The following NSD1 variants were observed in gnomAD, a reference collection of about 807,000 sequenced individuals.
NSD1 encodes histone-lysine N-methyltransferase, H3 lysine-36 specific.
A neutral mutation model predicts 242.7 loss-of-function variants in NSD1; 26 were observed. The observed-to-expected ratio is 0.11, with a 90% CI of 0.08 to 0.15. NSD1 has a LOEUF of 0.15. Among genes scored for constraint, NSD1 ranks in the 10% least tolerant of loss-of-function variants. The probability of loss-of-function intolerance (pLI) is 1.00; values close to 1 mark genes in which losing one functional copy is unlikely to be tolerated. For missense variants in NSD1, 2,495 were observed against 3,272.8 expected (o/e 0.76, Z 5.80); for synonymous variants, 1,106 against 1,178.1 (o/e 0.94, Z 1.25).
At chr5:177,151,981 C>T (rs1250737565) in intron 2 of NSD1, among the ~76,000 whole-genome samples, 1 of 152,086 alleles carries the variant, frequency 6.6e-6, no homozygotes, top group East Asian at 1.9e-4. Context: ...CTGCCTCAGC[C>T]TCCCGAGTAA....
chr5:177,290,060 C>T (rs1174801038), intron 21 of NSD1, among the ~76,000 whole-genome samples: 2 of 151,662 alleles, frequency 1.3e-5, no homozygotes, highest in African/African-American at 4.9e-5. Flanking sequence ...GATCTCCTGA[C>T]CTCGTGATCC....
intron 8 of NSD1, among the ~76,000 whole-genome samples, chr5:177,242,928 G>A (rs1765998658): frequency 6.6e-6 from 1 of 152,162 alleles, no homozygotes; most frequent in South Asian, 2.1e-4. Context: ...ACATTTGCTT[G>A]GGGTGGAACT....
At position 177,211,093 on chromosome 5, in the gene NSD1, C is replaced by T; in HGVS notation, c.2694C>T (p.His898=). Residue 898 remains histidine (H), a synonymous_variant, in exon 5 of 23, where the codon CAC becomes CAT. Coordinates refer to ENST00000439151, the MANE Select transcript of NSD1 (RefSeq NM_022455.5). Reference sequence around the variant, plus strand: ...TCTCTTCTGCTTCTAGTCAGAATCACATACCTATTGAACCAGACTACAAAT... The same window carrying T: ...TCTCTTCTGCTTCTAGTCAGAATCATATACCTATTGAACCAGACTACAAAT... ...LLFSSASSQN[H]IPIEPDYKFS... is the part of the protein sequence containing the mutation. 2 of 1,614,188 alleles carry T rather than the reference C, an allele frequency of 1.2e-6. No individual in the cohort carries two copies. The highest frequency in any genetic ancestry group is 8.5e-7 in the Non-Finnish European group (1 of 1,180,030).
chr5:177,184,725 G>C (rs577795062), intron 2 of NSD1, among the ~76,000 whole-genome samples: 1 of 151,996 alleles, frequency 6.6e-6, no homozygotes, highest in South Asian at 2.1e-4. Flanking sequence ...GTGTGTGCAC[G>C]CAAGGATGGG....
intron 2 of NSD1, among the ~76,000 whole-genome samples, chr5:177,147,481 A>G (rs1482365018): frequency 1.3e-5 from 2 of 152,176 alleles, no homozygotes; most frequent in Non-Finnish European, 2.9e-5. Flanking sequence ...CAAATGTTAG[A>G]TAAACATGAG....
At chr5:177,274,894 C>A (rs982692018) in intron 17 of NSD1, among the ~76,000 whole-genome samples, 1 of 151,766 alleles carries the variant, frequency 6.6e-6, no homozygotes, top group Non-Finnish European at 1.5e-5. Context: ...CCACTATATG[C>A]GGCTAATTTT....
chr5:177,265,243 A>C, intron 14 of NSD1: 1 of 747,562 alleles, frequency 1.3e-6, no homozygotes, highest in Non-Finnish European at 2.4e-6. Flanking sequence ...ATGGCATCAT[A>C]GGTGTTAAAA....
At position 177,238,218 on chromosome 5, in the gene NSD1, T is replaced by C; in HGVS notation, c.3922-19T>C. On this transcript the variant is annotated intron_variant, in intron 6 of 22. Coordinates refer to ENST00000439151, the MANE Select transcript of NSD1 (RefSeq NM_022455.5). This position sits in a 1 kb window ranked among gnomAD's most constrained non-coding sequence, Gnocchi z 4.6. The stretch of plus-strand genomic sequence containing the variant: ...AACAATTTTGGCCTGTGGACTCTAT[T>C]TTTATTTTTTGTTCTTAGGTAAGTT... The C allele has an allele frequency of 6.2e-7, 1 of 1,614,164 alleles. No homozygotes were observed. The highest frequency in any genetic ancestry group is 8.5e-7 in the Non-Finnish European group (1 of 1,180,016).
chr5:177,192,548 C>T (rs1443905628), intron 3 of NSD1, among the ~76,000 whole-genome samples: 1 of 152,188 alleles, frequency 6.6e-6, no homozygotes, highest in Non-Finnish European at 1.5e-5. Context: ...AGGCATGTGC[C>T]ACTACGCCCA....
At chr5:177,256,114 A>G (rs1581454630) in intron 12 of NSD1, among the ~76,000 whole-genome samples, 1 of 152,004 alleles carries the variant, frequency 6.6e-6, no homozygotes, top group East Asian at 1.9e-4. Flanking sequence ...TCTTTTTATT[A>G]TGTTTTGAAT....
At chr5:177,231,129 A>G (rs1240463778) in intron 5 of NSD1, among the ~76,000 whole-genome samples, 2 of 152,202 alleles carry the variant, frequency 1.3e-5, no homozygotes, top group Non-Finnish European at 2.9e-5. Flanking sequence ...TCTGTTGTCC[A>G]GGCTGGAGTG....
chr5:177,210,764 A>C lies in NSD1; in HGVS notation c.2365A>C (p.Ser789Arg). 6.2e-7 allele frequency: 1 copy of C among 1,614,238 alleles called. No homozygotes were observed. The highest frequency in any genetic ancestry group is 8.5e-7 in the Non-Finnish European group (1 of 1,180,044). The change falls in exon 5 of 23, where the codon AGT (serine) becomes CGT (arginine). Residue 789 changes from serine (S) to arginine (R), a missense_variant. Coordinates refer to ENST00000439151, the MANE Select transcript of NSD1 (RefSeq NM_022455.5). ...GAAAAGCAAACAGCCCAAGTTCCGAAGTATAAAGTGCAAACACAAAGAAAA... is the reference window on the plus strand; with the variant it reads ...GAAAAGCAAACAGCCCAAGTTCCGACGTATAAAGTGCAAACACAAAGAAAA... ...HSKSKQPKFR[S>R]IKCKHKENPV...
At chr5:177,204,081 C>A (rs1762702510) in intron 3 of NSD1, 39 bp from the exon 4 acceptor site, 2 of 1,593,478 alleles carry the variant, frequency 1.3e-6, no homozygotes, top group Non-Finnish European at 1.7e-6. Context: ...GAAGTAATTT[C>A]TTTGATCTAA....
intron 2 of NSD1, among the ~76,000 whole-genome samples, chr5:177,163,968 G>A (rs1022637016): frequency 6.6e-6 from 1 of 152,032 alleles, no homozygotes; most frequent in Non-Finnish European, 1.5e-5. Context: ...TTTGTAAATA[G>A]AAGGTTAAAA....
chr5:177,296,560 G>A lies in NSD1; in HGVS notation c.*1101G>A, dbSNP rs765556705. ...CATTCCTTTTCCCTCCTGAGTGGAG[G>A]GAGTCCTCTTCTTCGCCTCCCTGAG... On this transcript the variant is annotated 3_prime_UTR_variant, in exon 23 of 23. Transcript: ENST00000439151. 5 of 233,084 alleles carry A rather than the reference G, an allele frequency of 2.1e-5. No individual in the cohort carries two copies. The highest frequency in any genetic ancestry group is 4.2e-5 in the Non-Finnish European group (5 of 118,056). The allele number at this position is 233,084 out of a possible 1,614,324, so 14.4% of individuals were successfully genotyped here.
chr5:177,196,622 G>A (rs950514771), intron 3 of NSD1, among the ~76,000 whole-genome samples: 1 of 152,156 alleles, frequency 6.6e-6, no homozygotes, highest in African/African-American at 2.4e-5. Context: ...GAACACCAGA[G>A]CATCTATAAC....
chr5:177,265,024 AT>A, intron 14 of NSD1: 2 of 773,038 alleles, frequency 2.6e-6, no homozygotes, highest in South Asian at 1.3e-5. Context: ...TTGCCAAGAG[AT>A]TTCATGTGCA....
At position 177,170,391 on chromosome 5, in the gene NSD1, C is replaced by T. The variant is rs534359490; in HGVS notation, c.928-21493C>T. On this transcript the variant is annotated intron_variant, in intron 2 of 22. Coordinates refer to ENST00000439151, the MANE Select transcript of NSD1 (RefSeq NM_022455.5). ...TTAGAGACGGAGTCTCGCTCTGTCG[C>T]CCAGGCTGGAGTGCAGTGGCGTGAT... 2.4e-4 allele frequency among the ~76,000 whole-genome samples: 37 copies of T among 151,288 alleles called. No homozygotes were observed. In the South Asian group the frequency reaches 7.5e-3, roughly 31 times the overall value.
intron 19 of NSD1, among the ~76,000 whole-genome samples, chr5:177,283,050 T>A (rs973377110): frequency 2.0e-5 from 3 of 152,064 alleles, no homozygotes; most frequent in Non-Finnish European, 4.4e-5. Flanking sequence ...GCCTCCTGGG[T>A]TCAAGCGATT....
Sources: gnomAD v4.1 joint callset for allele counts (sites outside exome capture counted in the v4.1 genomes callset) on GRCh38, gnomAD v4.1.1 for gene constraint, Gnocchi (gnomAD v3.1) non-coding constraint, MANE v1.5 for transcripts, NCBI Gene and HGNC (gene_info 2026-07-23, HGNC 2026-07-21) for gene names.